The following GLRB variants were observed in gnomAD, a reference collection of about 807,000 sequenced individuals.
The protein encoded by GLRB is glycine receptor subunit beta.
GLRB carries 33 observed loss-of-function variants against 54.2 expected under a neutral mutation model. The ratio of observed to expected loss-of-function variants is 0.61; its 90% confidence interval spans 0.46 to 0.81. The LOEUF (loss-of-function observed/expected upper bound fraction) is 0.81. Ranked by LOEUF, GLRB falls within the 40% of genes least tolerant of loss-of-function variation. GLRB has a pLI of 0.00. For missense variants in GLRB, 572 were observed against 584.6 expected (o/e 0.98, Z 0.22); for synonymous variants, 209 against 208.2 (o/e 1.00, Z -0.03).
intron 9 of GLRB, among the ~76,000 whole-genome samples, chr4:157,160,290 A>T (rs138570958): frequency 0.017 from 2,562 of 151,500 alleles, 57 homozygotes; most frequent in African/African-American, 0.057. Flanking sequence ...ACCAGCTCCT[A>T]GATTCATTGA....
rs1560964315 is a variant in GLRB at position 157,138,876 on chromosome 4, T to G, written c.678T>G (p.Ile226Met). The change falls in exon 7 of 10, where the codon ATT becomes ATG. Residue 226 changes from isoleucine (I) to methionine (M), a missense_variant. Transcript: ENST00000264428. ...QSGDPVQLEK[I>M]ALPQFDIKKE... ...GAGATCCTGTGCAATTAGAAAAAAT[T>G]GCCTTGCCTCAATTTGATATCAAAA... 1 of 1,537,556 alleles carries G rather than the reference T, an allele frequency of 6.5e-7. No homozygotes were observed. Among genetic ancestry groups the G allele is most frequent in the Admixed American group, 1.7e-5 (1 of 59,908 alleles).
intron 2 of GLRB, among the ~76,000 whole-genome samples, chr4:157,094,637 C>A (rs1220189573): frequency 6.6e-6 from 1 of 152,180 alleles, no homozygotes; most frequent in East Asian, 1.9e-4. Context: ...TGGTCAACTT[C>A]ATTTGTCATC....
intron 2 of GLRB, among the ~76,000 whole-genome samples, chr4:157,118,844 G>C (rs1015607194): frequency 3.3e-5 from 5 of 151,498 alleles, no homozygotes; most frequent in Non-Finnish European, 5.9e-5. Flanking sequence ...TTATGAAACT[G>C]AGACTTTTTA....
chr4:157,149,230 T>C (rs1231786273), intron 8 of GLRB, among the ~76,000 whole-genome samples: 1 of 152,128 alleles, frequency 6.6e-6, no homozygotes, highest in African/African-American at 2.4e-5. Flanking sequence ...CCTAGATTCA[T>C]TTTGCTTTTT....
chr4:157,122,221 A>G, intron 3 of GLRB, 109 bp from the exon 4 acceptor site: 1 of 523,518 alleles, frequency 1.9e-6, no homozygotes, highest in South Asian at 3.1e-5. Context: ...TTTGCATTCC[A>G]TATGGATTGG....
intron 2 of GLRB, among the ~76,000 whole-genome samples, chr4:157,095,405 T>A (rs1042480624): frequency 1.3e-5 from 2 of 151,838 alleles, no homozygotes; most frequent in Middle Eastern, 3.2e-3. Context: ...TAGTTCTGGA[T>A]GTGTTAAGTT....
At chr4:157,078,263 CATCT>C (rs1365917819) in intron 2 of GLRB, 117 bp downstream of exon 2, 2 of 1,521,712 alleles carry the variant, frequency 1.3e-6, no homozygotes, top group Non-Finnish European at 1.8e-6. Flanking sequence ...AATGTATATC[CATCT>C]GTTACAGAGA....
intron 4 of GLRB, among the ~76,000 whole-genome samples, chr4:157,132,338 T>C (rs1736247061): frequency 6.6e-6 from 1 of 151,874 alleles, no homozygotes; most frequent in African/African-American, 2.4e-5. Flanking sequence ...TGTCTCTTGC[T>C]TGACCCCTGA....
intron 9 of GLRB, among the ~76,000 whole-genome samples, chr4:157,163,936 A>C (rs142908904): frequency 3.4e-4 from 52 of 152,032 alleles, no homozygotes; most frequent in African/African-American, 1.1e-3. Context: ...CTGGATGTAG[A>C]AGTCCTCTAT....
At chr4:157,127,907 T>C (rs1288583131) in intron 4 of GLRB, among the ~76,000 whole-genome samples, 2 of 151,878 alleles carry the variant, frequency 1.3e-5, no homozygotes, top group Non-Finnish European at 2.9e-5. Flanking sequence ...GTGTGGTGCT[T>C]GAAGCCACTA....
intron 3 of GLRB, 143 bp from the exon 4 acceptor site, chr4:157,122,187 A>G: frequency 2.5e-6 from 1 of 400,720 alleles, no homozygotes; most frequent in Non-Finnish European, 4.6e-6. Flanking sequence ...AATTATGAAC[A>G]TGTTATACTG....
At chr4:157,146,425 C>A (rs752612047) in intron 8 of GLRB, among the ~76,000 whole-genome samples, 1 of 152,134 alleles carries the variant, frequency 6.6e-6, no homozygotes, top group African/African-American at 2.4e-5. Flanking sequence ...AACAGAATGA[C>A]CTCGGGCAAG....
intron 9 of GLRB, among the ~76,000 whole-genome samples, chr4:157,169,513 G>T (rs904312339): frequency 6.6e-6 from 1 of 152,038 alleles, no homozygotes; most frequent in Non-Finnish European, 1.5e-5. Flanking sequence ...GCATACTCAA[G>T]TCCCTGCAGT....
intron 9 of GLRB, among the ~76,000 whole-genome samples, chr4:157,157,109 C>A (rs72980551): frequency 0.083 from 12,566 of 152,138 alleles, 1,722 homozygotes; most frequent in African/African-American, 0.29. Flanking sequence ...GCCTTCCTGA[C>A]CAATTGGTGT....
intron 2 of GLRB, among the ~76,000 whole-genome samples, chr4:157,112,153 A>G (rs1391433728): frequency 6.6e-6 from 1 of 151,884 alleles, no homozygotes; most frequent in Non-Finnish European, 1.5e-5. Flanking sequence ...AGAGCTTTTT[A>G]AAAACCCTGA....
chr4:157,147,464 TGA>T (rs1491076419), intron 8 of GLRB, among the ~76,000 whole-genome samples: 2 of 147,678 alleles, frequency 1.4e-5, no homozygotes, highest in African/African-American at 5.4e-5. Context: ...GGAAAGAAGA[TGA>T]GGGGGGGATT....
intron 2 of GLRB, among the ~76,000 whole-genome samples, chr4:157,110,467 G>A (rs1579205990): frequency 6.6e-6 from 1 of 151,668 alleles, no homozygotes; most frequent in Non-Finnish European, 1.5e-5. Context: ...ATATTCTTCA[G>A]CTTCAAGGTT....
intron 2 of GLRB, among the ~76,000 whole-genome samples, chr4:157,096,803 A>T (rs1251574359): frequency 1.3e-5 from 2 of 152,250 alleles, no homozygotes; most frequent in Admixed American, 6.5e-5. Context: ...TAGTTAAAGC[A>T]GAAACAGGTT....
chr4:157,130,147 A>G (rs1736160324), intron 4 of GLRB, among the ~76,000 whole-genome samples: 1 of 151,670 alleles, frequency 6.6e-6, no homozygotes, highest in Non-Finnish European at 1.5e-5. Flanking sequence ...CCTATCTTAT[A>G]TGGAAGGGAA....
Sources: allele counts gnomAD v4.1 joint callset (sites outside exome capture counted in the v4.1 genomes callset), GRCh38; gene constraint gnomAD v4.1.1; transcripts MANE v1.5; gene names NCBI Gene and HGNC (gene_info 2026-07-23, HGNC 2026-07-21).